The following SPON1 variants were observed in gnomAD, a reference collection of about 807,000 sequenced individuals.
SPON1 encodes spondin-1.
A neutral mutation model predicts 111.7 loss-of-function variants in SPON1; 52 were observed. The ratio of observed to expected loss-of-function variants is 0.47; its 90% CI spans 0.37 to 0.59. The LOEUF (loss-of-function observed/expected upper bound fraction) is 0.59, where lower values mean the gene tolerates loss of function less well. Ranked by LOEUF, SPON1 falls within the 20% of genes least tolerant of loss-of-function variation. The pLI, the probability that SPON1 is intolerant of heterozygous loss-of-function variation, is 0.00. For missense variants in SPON1, 957 were observed against 1,068.5 expected (o/e 0.90, Z 1.46); for synonymous variants, 410 against 395.8 (o/e 1.04, Z -0.43).
At chr11:14,216,018 G>C (rs1486157132) in intron 6 of SPON1, among the ~76,000 whole-genome samples, 1 of 152,176 alleles carries the variant, frequency 6.6e-6, no homozygotes, top group Admixed American at 6.5e-5. Flanking sequence ...GTAAGTTATT[G>C]CCAAATAGAA....
In SPON1 at chr11:14,265,981, C is replaced by T. The variant is rs910216992; in HGVS notation, c.*294C>T. On this transcript the variant is annotated 3_prime_UTR_variant, in exon 16 of 16. Coordinates refer to ENST00000576479, the MANE Select transcript of SPON1 (RefSeq NM_006108.4). ...GGAGCTTCCACCTGGCCAGGGAGGA[C>T]GGAGACTTTGACCTACTCCACATGG... 17 of 269,016 alleles carry T rather than the reference C, an allele frequency of 6.3e-5. No homozygotes were observed. The highest frequency in any genetic ancestry group is 2.4e-4 in the Admixed American group (5 of 21,094). 16.7% of individuals were successfully genotyped at this position (269,016 alleles called of 1,614,324 possible).
At chr11:14,251,775 C>T (rs1001535664) in intron 7 of SPON1, among the ~76,000 whole-genome samples, 4 of 152,196 alleles carry the variant, frequency 2.6e-5, no homozygotes, top group Non-Finnish European at 5.9e-5. Context: ...ACCAGAACCC[C>T]GTCCTGTGAG....
intron 6 of SPON1, among the ~76,000 whole-genome samples, chr11:14,176,196 C>T (rs910262128): frequency 6.6e-6 from 1 of 152,086 alleles, no homozygotes; most frequent in Non-Finnish European, 1.5e-5. Context: ...TGCTGGACTT[C>T]CATCAGCAAC....
At position 14,228,746 on chromosome 11, in the gene SPON1, G is replaced by A. The variant is rs1449126797; in HGVS notation, c.826-14586G>A. Among the ~76,000 whole-genome samples the A allele has an allele frequency of 5.9e-5, 9 of 152,180 alleles. No individual in the cohort carries two copies. Among genetic ancestry groups the A allele is most frequent in the East Asian group, 1.9e-4 (1 of 5,202 alleles). ...TCCTGAAGAGAGATCTGGACAGAGC[G>A]TCACATTGTCTTCCACACTAACGCA... On this transcript the variant is annotated intron_variant, in intron 6 of 15. Transcript: ENST00000576479. This position sits in a 1 kb window ranked among gnomAD's most constrained non-coding sequence, Gnocchi z 4.2.
chr11:14,225,008 C>T (rs894507723), intron 6 of SPON1, among the ~76,000 whole-genome samples: 15 of 152,098 alleles, frequency 9.9e-5, no homozygotes, highest in African/African-American at 3.1e-4. Flanking sequence ...GATGGAGTGA[C>T]GGAAGCCTCT....
intron 7 of SPON1, 54 bp downstream of exon 7, chr11:14,243,450 G>T (rs1484250514): frequency 1.3e-5 from 19 of 1,457,810 alleles, no homozygotes; most frequent in Non-Finnish European, 1.8e-5. Flanking sequence ...CCTTCTCAAA[G>T]CCACCTACCT....
chr11:14,242,219 G>T (rs1554939761), intron 6 of SPON1, among the ~76,000 whole-genome samples: 2 of 152,174 alleles, frequency 1.3e-5, no homozygotes, highest in Admixed American at 1.3e-4. Context: ...TTCTAGGCAA[G>T]GTACCCAACC....
chr11:14,015,200 T>A (rs998459676), intron 2 of SPON1, among the ~76,000 whole-genome samples: 3 of 152,198 alleles, frequency 2.0e-5, no homozygotes, highest in Admixed American at 6.5e-5. Flanking sequence ...ACAGATTGGG[T>A]TATTTATAAA....
chr11:14,128,524 C>A (rs1481621681), intron 5 of SPON1, among the ~76,000 whole-genome samples: 1 of 152,206 alleles, frequency 6.6e-6, no homozygotes, highest in Non-Finnish European at 1.5e-5. Context: ...GGGTACAGCC[C>A]CCGCGGATGC....
intron 2 of SPON1, among the ~76,000 whole-genome samples, chr11:13,997,887 C>T (rs1212429673): frequency 6.6e-6 from 1 of 151,936 alleles, no homozygotes. Context: ...TAAATTATAC[C>T]TTGGCAAAAG....
intron 5 of SPON1, among the ~76,000 whole-genome samples, chr11:14,086,294 G>A (rs1849005906): frequency 6.6e-6 from 1 of 152,080 alleles, no homozygotes; most frequent in South Asian, 2.1e-4. Context: ...GTCATAAATA[G>A]CTCTTATTAT....
chr11:13,966,647 C>T (rs1848018266), intron 1 of SPON1, among the ~76,000 whole-genome samples: 1 of 152,164 alleles, frequency 6.6e-6, no homozygotes, highest in Non-Finnish European at 1.5e-5. Flanking sequence ...GTTTGGAGAC[C>T]TCCAAAGCTG....
chr11:14,034,500 T>G (rs1554916408), intron 2 of SPON1, among the ~76,000 whole-genome samples: 1 of 152,236 alleles, frequency 6.6e-6, no homozygotes, highest in Admixed American at 6.5e-5. Context: ...GTTTGGAGGA[T>G]TCTCTGGATC....
At chr11:14,127,793 G>T (rs539790253) in intron 5 of SPON1, among the ~76,000 whole-genome samples, 1 of 152,304 alleles carries the variant, frequency 6.6e-6, no homozygotes, top group African/African-American at 2.4e-5. Flanking sequence ...TGTAAAAAGA[G>T]GTGTAATTGA....
intron 6 of SPON1, among the ~76,000 whole-genome samples, chr11:14,210,418 G>T (rs563026256): frequency 2.2e-5 from 3 of 139,498 alleles, no homozygotes; most frequent in Admixed American, 7.5e-5. Context: ...TGTTTTTGTC[G>T]AAGTCTCACT....
chr11:14,112,969 A>T lies in SPON1; in HGVS notation c.677-22451A>T, dbSNP rs541197417. On this transcript the variant is annotated intron_variant, in intron 5 of 15. Transcript: ENST00000576479. ...ATTTCTGGCCTGCCTGCTCATCCCA[A>T]TACCGATCTTTCTGTCTAGTCTTTA... Among the ~76,000 whole-genome samples the T allele has an allele frequency of 5.3e-5, 8 of 152,298 alleles. No individual in the cohort carries two copies. In the South Asian group the frequency reaches 1.5e-3, roughly 28 times the overall value.
At chr11:14,156,705 C>G (rs1385430347) in intron 6 of SPON1, among the ~76,000 whole-genome samples, 1 of 152,076 alleles carries the variant, frequency 6.6e-6, no homozygotes, top group Non-Finnish European at 1.5e-5. Flanking sequence ...TTTCAGCTTT[C>G]TACATATGGC....
chr11:14,197,875 T>G (rs1335432549), intron 6 of SPON1, among the ~76,000 whole-genome samples: 1 of 152,160 alleles, frequency 6.6e-6, no homozygotes, highest in Non-Finnish European at 1.5e-5. Flanking sequence ...GTACAGCACC[T>G]TGGAAGGGGC....
chr11:14,090,537 T>C (rs1034775468), intron 5 of SPON1, among the ~76,000 whole-genome samples: 3 of 152,092 alleles, frequency 2.0e-5, no homozygotes, highest in African/African-American at 7.2e-5. Context: ...CGTGGTCTCA[T>C]TGGCTCAGGA....
Sources: gnomAD v4.1 joint callset for allele counts (sites outside exome capture counted in the v4.1 genomes callset) on GRCh38, gnomAD v4.1.1 for gene constraint, Gnocchi (gnomAD v3.1) non-coding constraint, MANE v1.5 for transcripts, NCBI Gene and HGNC (gene_info 2026-07-23, HGNC 2026-07-21) for gene names.